CTIF: variants seen among roughly 807,000 people sequenced by gnomAD.
CTIF encodes the protein CBP80/20-dependent translation initiation factor.
Under a neutral mutation model 66.0 loss-of-function variants are expected in CTIF, and 21 were observed. The observed-to-expected ratio is 0.32, with a 90% CI of 0.23 to 0.46. CTIF has a LOEUF of 0.46. Ranked by LOEUF, CTIF falls within the 20% of genes least tolerant of loss-of-function variation. CTIF has a pLI of 1.00. For synonymous variants in CTIF, 345 were observed against 326.4 expected (o/e 1.06, Z -0.62); for missense variants, 739 against 812.7 (o/e 0.91, Z 1.10).
At chr18:48,801,760 G>C (rs1378228787) in intron 9 of CTIF, among the ~76,000 whole-genome samples, 1 of 152,204 alleles carries the variant, frequency 6.6e-6, no homozygotes, top group Non-Finnish European at 1.5e-5. Flanking sequence ...GCTTCCAACT[G>C]CTTCCAGAGC....
At chr18:48,670,567 C>T (rs761579206) in intron 5 of CTIF, 102 bp from the exon 6 acceptor site, 68 of 1,039,820 alleles carry the variant, frequency 6.5e-5, no homozygotes, top group Non-Finnish European at 9.1e-5. Context: ...GGGTGGGCAG[C>T]ACCAGGTATC....
At chr18:48,642,087 C>T (rs1281082582) in intron 3 of CTIF, among the ~76,000 whole-genome samples, 3 of 152,162 alleles carry the variant, frequency 2.0e-5, no homozygotes, top group Non-Finnish European at 2.9e-5. Flanking sequence ...TCCTTGGATA[C>T]GTAAGAAATA....
At chr18:48,846,443 G>GTGGA (rs149602850) in intron 10 of CTIF, among the ~76,000 whole-genome samples, 1 of 151,998 alleles carries the variant, frequency 6.6e-6, no homozygotes, top group Non-Finnish European at 1.5e-5. Flanking sequence ...ATGTTGCCGA[G>GTGGA]TGGATGGATG....
intron 1 of CTIF, among the ~76,000 whole-genome samples, chr18:48,553,732 T>C (rs1240690951): frequency 1.3e-5 from 2 of 151,676 alleles, no homozygotes; most frequent in African/African-American, 4.8e-5. Flanking sequence ...CTCAGCTCAC[T>C]GCAAGCTCCG....
At chr18:48,651,392 C>G in intron 3 of CTIF, among the ~76,000 whole-genome samples, 1 of 152,128 alleles carries the variant, frequency 6.6e-6, no homozygotes, top group East Asian at 1.9e-4. Flanking sequence ...TCAAAAGAGA[C>G]AAAGAAGGCC....
intron 6 of CTIF, among the ~76,000 whole-genome samples, chr18:48,678,981 A>G (rs961976318): frequency 4.9e-4 from 75 of 152,366 alleles, no homozygotes; most frequent in African/African-American, 1.8e-3. Context: ...CTGTGACTGC[A>G]TTTGTGCCAC....
intron 5 of CTIF, among the ~76,000 whole-genome samples, chr18:48,668,888 T>C (rs2091478585): frequency 1.3e-5 from 2 of 151,960 alleles, no homozygotes; most frequent in South Asian, 4.2e-4. Flanking sequence ...GGGGCAGTTG[T>C]GTGCACTGTT....
intron 9 of CTIF, among the ~76,000 whole-genome samples, chr18:48,783,697 T>C (rs1465991326): frequency 6.6e-6 from 1 of 152,032 alleles, no homozygotes; most frequent in Non-Finnish European, 1.5e-5. Flanking sequence ...TCCTCTATCC[T>C]CTCGGCTGGA....
intron 1 of CTIF, among the ~76,000 whole-genome samples, chr18:48,553,453 C>T (rs1477838989): frequency 2.0e-5 from 3 of 152,254 alleles, no homozygotes; most frequent in African/African-American, 7.2e-5. Context: ...CGGTGAGGAG[C>T]GGGTGATGGG....
intron 7 of CTIF, among the ~76,000 whole-genome samples, chr18:48,716,298 C>A (rs534883960): frequency 6.6e-6 from 1 of 152,188 alleles, no homozygotes; most frequent in East Asian, 1.9e-4. Context: ...CTGTGCATGA[C>A]TGTCAGTCAT....
chr18:48,689,056 G>T (rs953079560), intron 6 of CTIF, among the ~76,000 whole-genome samples: 10 of 152,218 alleles, frequency 6.6e-5, no homozygotes, highest in Admixed American at 2.0e-4. Flanking sequence ...AGAGAGGTGA[G>T]GGCTCTTCCG....
intron 1 of CTIF, among the ~76,000 whole-genome samples, chr18:48,615,441 G>A (rs903315151): frequency 1.3e-5 from 2 of 152,204 alleles, no homozygotes; most frequent in African/African-American, 2.4e-5. Flanking sequence ...TGCGGAACAG[G>A]GAAGTGATGT....
In CTIF at chr18:48,730,439, C is replaced by T. The variant is rs184351752; in HGVS notation, c.584+18744C>T. On this transcript the variant is annotated intron_variant, in intron 7 of 11. Transcript: ENST00000256413. ...GTGGGGCCCCTGCGCTGTGAGGGGC[C>T]CCTGTGGTGTGAGGGGCTTCCGCGG... 6.9e-3 allele frequency among the ~76,000 whole-genome samples: 625 copies of T among 91,052 alleles called. 20 individuals carry two copies. The highest frequency in any genetic ancestry group is 0.024 in the South Asian group (52 of 2,130). 59.7% of individuals were successfully genotyped at this position (91,052 alleles called of 152,430 possible).
At chr18:48,795,783 C>A (rs185792418) in intron 9 of CTIF, among the ~76,000 whole-genome samples, 23 of 152,342 alleles carry the variant, frequency 1.5e-4, no homozygotes. Flanking sequence ...GGGAGGCCAT[C>A]TCTCTTGAGG....
chr18:48,848,756 T>C (rs1384501740), intron 10 of CTIF, among the ~76,000 whole-genome samples: 3 of 152,118 alleles, frequency 2.0e-5, no homozygotes, highest in African/African-American at 7.2e-5. Flanking sequence ...TCCAGGAGAC[T>C]CCCACCAGGC....
intron 1 of CTIF, among the ~76,000 whole-genome samples, chr18:48,562,252 C>G (rs2089179315): frequency 6.6e-6 from 1 of 152,188 alleles, no homozygotes; most frequent in Non-Finnish European, 1.5e-5. Flanking sequence ...ATGAGATGAG[C>G]AGTAGTATCA....
intron 2 of CTIF, among the ~76,000 whole-genome samples, chr18:48,626,656 G>GTTTTTTTTTTTTTT (rs61179877): frequency 9.3e-6 from 1 of 108,074 alleles, no homozygotes; most frequent in African/African-American, 3.6e-5. Flanking sequence ...TTTTTTTTTT[G>GTTTTTTTTTTTTTT]TTTTTTTTTT....
At chr18:48,602,953 GTGGATGGA>G (rs933726021) in intron 1 of CTIF, among the ~76,000 whole-genome samples, 1 of 149,556 alleles carries the variant, frequency 6.7e-6, no homozygotes. Context: ...AGTTAGATGA[GTGGATGGA>G]TGGATGGATG....
chr18:48,686,115 T>C (rs2091836815), intron 6 of CTIF, among the ~76,000 whole-genome samples: 1 of 152,258 alleles, frequency 6.6e-6, no homozygotes, highest in South Asian at 2.1e-4. Context: ...TGAAATGTCA[T>C]CATGCTGATC....
Sources: allele counts gnomAD v4.1 joint callset (sites outside exome capture counted in the v4.1 genomes callset), GRCh38; gene constraint gnomAD v4.1.1; transcripts MANE v1.5; gene names NCBI Gene and HGNC (gene_info 2026-07-23, HGNC 2026-07-21).